MSRA: variants seen among roughly 807,000 people sequenced by gnomAD.
The protein encoded by MSRA is mitochondrial peptide methionine sulfoxide reductase.
MSRA carries 54 observed loss-of-function variants against 31.3 expected under a neutral mutation model. The ratio of observed to expected loss-of-function variants is 1.73; its 90% confidence interval spans 1.39 to 2.17. The LOEUF is 2.17. MSRA is among the 30% of genes most tolerant of loss of function. The probability of loss-of-function intolerance (pLI) is 0.00; values close to 1 mark genes in which losing one functional copy is unlikely to be tolerated. For missense variants in MSRA, 507 were observed against 300.9 expected (o/e 1.69, Z -5.07); for synonymous variants, 169 against 116.5 (o/e 1.45, Z -2.90).
At chr8:10,085,026 A>G in intron 1 of MSRA, among the ~76,000 whole-genome samples, 1 of 152,236 alleles carries the variant, frequency 6.6e-6, no homozygotes, top group Non-Finnish European at 1.5e-5. Flanking sequence ...CAACTAAATC[A>G]TAAATAAATC....
Position 10,366,158 on chromosome 8 carries a change from G to A in MSRA, c.543+46169G>A, listed in dbSNP as rs186150130. ...CTGGACGGCTTTCTAGAGCAGATGGGCTCGGAGGAGACTGATTTTTTGAAA... is the reference window on the plus strand; with the variant it reads ...CTGGACGGCTTTCTAGAGCAGATGGACTCGGAGGAGACTGATTTTTTGAAA... On this transcript the variant is annotated intron_variant, in intron 5 of 5. Transcript: ENST00000317173. 5.9e-5 allele frequency among the ~76,000 whole-genome samples: 9 copies of A among 152,364 alleles called. No individual in the cohort carries two copies. The East Asian group carries it at 1.7e-3, about 29-fold the overall frequency.
chr8:10,169,878 T>C (rs1400974683), intron 1 of MSRA, among the ~76,000 whole-genome samples: 1 of 151,558 alleles, frequency 6.6e-6, no homozygotes, highest in Non-Finnish European at 1.5e-5. Context: ...TATTTGTTCT[T>C]GTAACTTTTT....
chr8:10,096,227 T>G, intron 1 of MSRA: 1 of 1,219,898 alleles, frequency 8.2e-7, no homozygotes, highest in Non-Finnish European at 1.0e-6. Context: ...CATGCTGTCC[T>G]AAACTACATC....
chr8:10,095,078 T>G (rs926500387), intron 1 of MSRA, among the ~76,000 whole-genome samples: 2 of 152,240 alleles, frequency 1.3e-5, no homozygotes, highest in African/African-American at 4.8e-5. Flanking sequence ...GCATACGGTT[T>G]TAATTTTAAT....
intron 2 of MSRA, 34 bp downstream of exon 2, chr8:10,207,935 G>A (rs745894982): frequency 6.3e-7 from 1 of 1,574,984 alleles, no homozygotes; most frequent in Non-Finnish European, 8.7e-7. Flanking sequence ...AACCCAAATT[G>A]TGTGCAAAGA....
chr8:10,144,290 A>T (rs1480402778), intron 1 of MSRA, among the ~76,000 whole-genome samples: 5 of 152,102 alleles, frequency 3.3e-5, no homozygotes, highest in Non-Finnish European at 7.4e-5. Context: ...TAGCCTCTGG[A>T]GCCAGTCTGC....
At chr8:10,083,984 A>G (rs1798418839) in intron 1 of MSRA, among the ~76,000 whole-genome samples, 1 of 152,236 alleles carries the variant, frequency 6.6e-6, no homozygotes, top group Non-Finnish European at 1.5e-5. Context: ...CCTGAAATCC[A>G]TTTACAAATA....
At chr8:10,159,506 T>C (rs1365134633) in intron 1 of MSRA, among the ~76,000 whole-genome samples, 1 of 152,242 alleles carries the variant, frequency 6.6e-6, no homozygotes, top group African/African-American at 2.4e-5. Flanking sequence ...GTGATGCTTT[T>C]GCCCTTTTAG....
chr8:10,242,125 G>T (rs1026478224), intron 2 of MSRA, among the ~76,000 whole-genome samples: 3 of 152,100 alleles, frequency 2.0e-5, no homozygotes, highest in East Asian at 1.9e-4. Flanking sequence ...CACAGAATTA[G>T]CCGGGCATGG....
At chr8:10,160,949 TA>T (rs1487058554) in intron 1 of MSRA, among the ~76,000 whole-genome samples, 1 of 151,848 alleles carries the variant, frequency 6.6e-6, no homozygotes, top group African/African-American at 2.4e-5. Flanking sequence ...AGTGCAGCAT[TA>T]ATTAACATTG....
chr8:10,114,119 C>G (rs941082007), intron 1 of MSRA, among the ~76,000 whole-genome samples: 1 of 152,100 alleles, frequency 6.6e-6, no homozygotes, highest in Non-Finnish European at 1.5e-5. Context: ...CATGGTTCAT[C>G]TATGTTGCAG....
chr8:10,322,300 A>G (rs1483956308), intron 5 of MSRA, among the ~76,000 whole-genome samples: 2 of 146,712 alleles, frequency 1.4e-5, no homozygotes, highest in Non-Finnish European at 3.0e-5. Context: ...GACTGGATGC[A>G]GGGAGATGAG....
At chr8:10,138,939 A>G (rs1424306497) in intron 1 of MSRA, among the ~76,000 whole-genome samples, 3 of 152,234 alleles carry the variant, frequency 2.0e-5, no homozygotes, top group Non-Finnish European at 4.4e-5. Context: ...CCTTGTCCCC[A>G]GAAATACACA....
At chr8:10,302,890 T>C (rs971853429) in intron 4 of MSRA, among the ~76,000 whole-genome samples, 3 of 152,094 alleles carry the variant, frequency 2.0e-5, no homozygotes, top group Non-Finnish European at 4.4e-5. Flanking sequence ...AATCAGAAGG[T>C]TCACGTGTCA....
chr8:10,056,901 G>A (rs1585055788), intron 1 of MSRA, among the ~76,000 whole-genome samples: 1 of 152,286 alleles, frequency 6.6e-6, no homozygotes, highest in African/African-American at 2.4e-5. Flanking sequence ...CCTTTTGACT[G>A]CAGAAGGCCT....
At chr8:10,214,603 C>T (rs568378649) in intron 2 of MSRA, among the ~76,000 whole-genome samples, 205 of 152,236 alleles carry the variant, frequency 1.3e-3, no homozygotes, top group African/African-American at 4.5e-3. Flanking sequence ...TCTGGAGGGG[C>T]AGCCACTCAT....
chr8:10,401,466 G>A lies in MSRA; in HGVS notation c.544-26682G>A, dbSNP rs1332940115. 4.6e-5 allele frequency among the ~76,000 whole-genome samples: 7 copies of A among 152,312 alleles called. No homozygotes were observed. The East Asian group carries it at 1.2e-3, about 25-fold the overall frequency. On this transcript the variant is annotated intron_variant, in intron 5 of 5. Coordinates refer to ENST00000317173, the MANE Select transcript of MSRA (RefSeq NM_012331.5). ...TGGAACCCTTGTGCATTGCTACTGG[G>A]AATGGTAAATGGTACAGCCACTGTG...
intron 2 of MSRA, among the ~76,000 whole-genome samples, chr8:10,213,380 C>T (rs976745935): frequency 6.8e-6 from 1 of 148,132 alleles, no homozygotes; most frequent in Non-Finnish European, 1.5e-5. Flanking sequence ...GACAGGGTCT[C>T]ATTCTGTTTT....
At chr8:10,121,386 C>T (rs765890638) in intron 1 of MSRA, among the ~76,000 whole-genome samples, 1 of 152,136 alleles carries the variant, frequency 6.6e-6, no homozygotes, top group Admixed American at 6.5e-5. Context: ...TGTCATGGCC[C>T]CCACCTACCT....
Sources: allele counts gnomAD v4.1 joint callset (sites outside exome capture counted in the v4.1 genomes callset), GRCh38; gene constraint gnomAD v4.1.1; transcripts MANE v1.5; gene names NCBI Gene and HGNC (gene_info 2026-07-23, HGNC 2026-07-21).